Variants in CFAP74 observed in about 807,000 individuals in gnomAD.
CFAP74 encodes cilia- and flagella-associated protein 74.
In CFAP74, 124 loss-of-function variants were observed where a neutral mutation model predicts 188.9. The observed-to-expected ratio is 0.66, with a 90% CI of 0.57 to 0.76. The LOEUF is 0.76. Among genes scored for constraint, CFAP74 ranks in the 30% least tolerant of loss-of-function variants. The pLI is 0.00. For synonymous variants in CFAP74, 956 were observed against 916.7 expected (o/e 1.04, Z -0.77); for missense variants, 2,198 against 2,165.2 (o/e 1.02, Z -0.30).
intron 10 of CFAP74, among the ~76,000 whole-genome samples, chr1:1,969,596 G>A (rs910468093): frequency 6.6e-6 from 1 of 152,216 alleles, no homozygotes; most frequent in Non-Finnish European, 1.5e-5. Context: ...TAGCACCAGG[G>A]CTAAAGATGT....
chr1:2,000,025 T>C (rs528080925), intron 1 of CFAP74, among the ~76,000 whole-genome samples: 20 of 151,680 alleles, frequency 1.3e-4, no homozygotes, highest in African/African-American at 4.6e-4. Context: ...ATTAGCCAGG[T>C]GTGGTGCAGG....
intron 20 of CFAP74, among the ~76,000 whole-genome samples, 196 bp downstream of exon 20, chr1:1,946,121 C>T (rs1653757833): frequency 6.6e-6 from 1 of 152,028 alleles, no homozygotes; most frequent in African/African-American, 2.4e-5. Context: ...AGCATGCCTG[C>T]CTGTGTATGC....
intron 14 of CFAP74, among the ~76,000 whole-genome samples, chr1:1,962,287 C>T (rs1655142710): frequency 1.3e-5 from 2 of 151,398 alleles, no homozygotes; most frequent in Non-Finnish European, 2.9e-5. Context: ...ACCAGCCTGG[C>T]CAACATGGTG....
chr1:1,985,022 C>T (rs1657142676), intron 6 of CFAP74: 1 of 199,624 alleles, frequency 5.0e-6, no homozygotes. Context: ...TCGCCGAAGG[C>T]AACTCGACGC....
intron 24 of CFAP74, among the ~76,000 whole-genome samples, chr1:1,939,283 G>A (rs1033265623): frequency 1.3e-5 from 2 of 152,254 alleles, no homozygotes; most frequent in Non-Finnish European, 2.9e-5. Context: ...CCAGGGAAAG[G>A]TGAGGGGTGC....
chr1:1,992,650 A>G (rs1657655903), intron 1 of CFAP74, among the ~76,000 whole-genome samples: 1 of 150,368 alleles, frequency 6.7e-6, no homozygotes, highest in Non-Finnish European at 1.5e-5. Flanking sequence ...ATTTTTTTGT[A>G]TTTTTATTAG....
rs1248481992 is a variant in CFAP74 at position 1,926,531 on chromosome 1, C to G, written c.3773-19G>C. On this transcript the variant is annotated intron_variant, in intron 30 of 38. Transcript: ENST00000682832. ...CGGTGCCCTGAAATGGGGCAGGGAGCGTCAGGCCCCAGCCCCAGGCCCCAG... is the reference window on the plus strand; with the variant it reads ...CGGTGCCCTGAAATGGGGCAGGGAGGGTCAGGCCCCAGCCCCAGGCCCCAG... The G allele has an allele frequency of 2.6e-6, 4 of 1,549,912 alleles. No individual in the cohort carries two copies. Among genetic ancestry groups the G allele is most frequent in the Non-Finnish European group, 3.5e-6 (4 of 1,146,794 alleles).
At chr1:1,934,235 TAC>T (rs1451007405) in intron 25 of CFAP74, among the ~76,000 whole-genome samples, 3 of 152,026 alleles carry the variant, frequency 2.0e-5, no homozygotes, top group South Asian at 4.1e-4. Flanking sequence ...AGGGTATAGG[TAC>T]ACACGTGTGT....
intron 16 of CFAP74, among the ~76,000 whole-genome samples, chr1:1,958,468 G>T (rs141731562): frequency 2.6e-5 from 4 of 152,366 alleles, no homozygotes; most frequent in African/African-American, 7.2e-5. Flanking sequence ...CTTCACACTC[G>T]CGGCTGAGCC....
intron 27 of CFAP74, chr1:1,928,073 C>T (rs1378643307): frequency 4.9e-5 from 20 of 408,406 alleles, no homozygotes; most frequent in Middle Eastern, 1.5e-3. Flanking sequence ...AGTGCTTCCC[C>T]TCGAGTGCAC....
chr1:1,955,589 C>A (rs1363979271), intron 18 of CFAP74, 102 bp downstream of exon 18: 27 of 1,611,490 alleles, frequency 1.7e-5, no homozygotes, highest in Non-Finnish European at 2.3e-5. Flanking sequence ...TAGGAAAATT[C>A]TCTACTTTCC....
Position 1,946,349 on chromosome 1 carries a change from T to C in CFAP74, c.2332A>G (p.Lys778Glu). The C allele has an allele frequency of 6.5e-7, 1 of 1,536,748 alleles. No individual in the cohort carries two copies. The highest frequency in any genetic ancestry group is 2.0e-5 in the Admixed American group (1 of 50,992). ...CACTGGGGGTTCTTAAACGTGACTT[T>C]GAACCTGGCTTGGACGTCGCCTGGG... is the stretch of plus-strand genomic sequence containing the variant. ...VVPGDVQARF[K>E]VTFKNPQCPT... Residue 778 changes from lysine (K) to glutamate (E), a missense_variant, in exon 20 of 39, where the codon AAA becomes GAA. By Grantham distance (56) the Lys-to-Glu change is moderately conservative. Coordinates refer to ENST00000682832, the MANE Select transcript of CFAP74 (RefSeq NM_001304360.2).
intron 11 of CFAP74, among the ~76,000 whole-genome samples, chr1:1,966,831 G>C (rs1028622980): frequency 2.7e-5 from 4 of 150,080 alleles, no homozygotes; most frequent in Non-Finnish European, 5.9e-5. Flanking sequence ...GCACTCATCT[G>C]TTCTCATTTT....
rs28701972 is a variant in CFAP74 at position 1,962,906 on chromosome 1, G to A, written c.1694+843C>T. On this transcript the variant is annotated intron_variant, in intron 14 of 38. Transcript: ENST00000682832. Reference sequence around the variant, plus strand: ...CCTGTCAAAAACAAAACAAAGAAAAGGAAAGCAGAAAGCATTAAAGGCAAC... The same window carrying A: ...CCTGTCAAAAACAAAACAAAGAAAAAGAAAGCAGAAAGCATTAAAGGCAAC... Among the ~76,000 whole-genome samples the A allele has an allele frequency of 4.6e-3, 692 of 152,072 alleles. 3 individuals are homozygous for A. Among genetic ancestry groups the A allele is most frequent in the African/African-American group, 0.016 (655 of 41,506 alleles).
At chr1:1,959,238 T>G in intron 15 of CFAP74, 29 bp from the exon 16 acceptor site, 1 of 1,387,458 alleles carries the variant, frequency 7.2e-7, no homozygotes, top group Non-Finnish European at 1.0e-6. Flanking sequence ...CCCACCACAA[T>G]ACACTTCTGC....
At chr1:1,947,239 A>G (rs1187648919) in intron 18 of CFAP74, among the ~76,000 whole-genome samples, 185 bp from the exon 19 acceptor site, 1 of 152,128 alleles carries the variant, frequency 6.6e-6, no homozygotes. Context: ...GCCAGTCCCC[A>G]CCGTGCCCGG....
rs528122705 is a variant in CFAP74 at position 1,946,054 on chromosome 1, C to A, written c.2364+263G>T. 3.3e-5 allele frequency among the ~76,000 whole-genome samples: 5 copies of A among 152,080 alleles called. No individual in the cohort carries two copies. The East Asian group carries it at 7.8e-4, about 24-fold the overall frequency. Reference sequence around the variant, plus strand: ...CGTGTGTGTGGGCTCTGCGTGTGTGCATGTGTGCATGTGTATACATGCATG... The same window carrying A: ...CGTGTGTGTGGGCTCTGCGTGTGTGAATGTGTGCATGTGTATACATGCATG... On this transcript the variant is annotated intron_variant, in intron 20 of 38. Transcript: ENST00000682832.
intron 18 of CFAP74, among the ~76,000 whole-genome samples, chr1:1,952,339 T>C (rs1654249076): frequency 6.8e-6 from 1 of 146,436 alleles, no homozygotes. Flanking sequence ...GATAAAAGGC[T>C]AGAGTATAAA....
Position 1,966,420 on chromosome 1 carries a change from G to C in CFAP74, c.1352C>G (p.Ala451Gly). 1 of 1,604,062 alleles carries C rather than the reference G, an allele frequency of 6.2e-7. No individual in the cohort carries two copies. Among genetic ancestry groups the C allele is most frequent in the African/African-American group, 1.3e-5 (1 of 74,584 alleles). Residue 451 changes from alanine (A) to glycine (G), a missense_variant, in exon 12 of 39, where the codon GCT becomes GGT. Transcript: ENST00000682832. ...PGASSEEETL[A>G]EPEISGLWNE... ...CCAAAGCCCAGAGATCTCGGGCTCA[G>C]CTAACGTTTCCTCCTCTGAGCTGGC...
Sources: allele counts gnomAD v4.1 joint callset (sites outside exome capture counted in the v4.1 genomes callset), GRCh38; gene constraint gnomAD v4.1.1; transcripts MANE v1.5; gene names NCBI Gene and HGNC (gene_info 2026-07-23, HGNC 2026-07-21).